The following CEP83 variants were observed in gnomAD, a reference collection of about 807,000 sequenced individuals.
CEP83 encodes centrosomal protein 83.
Under a neutral mutation model 101.9 loss-of-function variants are expected in CEP83, and 70 were observed. The ratio of observed to expected loss-of-function variants is 0.69; its 90% CI spans 0.57 to 0.84. The LOEUF (loss-of-function observed/expected upper bound fraction) is 0.84. CEP83 is among the 40% of genes least tolerant of loss of function. CEP83 has a pLI of 0.00. For missense variants in CEP83, 715 were observed against 787.2 expected, an observed-to-expected ratio of 0.91 and a Z score of 1.10; for synonymous variants, 264 against 267.9, an observed-to-expected ratio of 0.99 and a Z score of 0.14.
At chr12:94,337,966 A>G (rs2059521948) in intron 11 of CEP83, among the ~76,000 whole-genome samples, 1 of 152,156 alleles carries the variant, frequency 6.6e-6, no homozygotes, top group Admixed American at 6.5e-5. Context: ...ACAGTTTCCA[A>G]GCTGAAAAGG....
intron 4 of CEP83, 39 bp downstream of exon 4, chr12:94,411,658 G>T: frequency 6.6e-7 from 1 of 1,518,052 alleles, no homozygotes. Context: ...GTATCTGACT[G>T]CTTTTATACT....
intron 16 of CEP83, among the ~76,000 whole-genome samples, chr12:94,309,613 T>C (rs1046319467): frequency 6.6e-6 from 1 of 152,204 alleles, no homozygotes; most frequent in African/African-American, 2.4e-5. Context: ...ACTATTAACA[T>C]TATGAATAAG....
the CEP83 span, chr12:94,280,051 T>C: frequency 2.9e-6 from 1 of 348,028 alleles, no homozygotes; most frequent in East Asian, 7.7e-5. Context: ...GAGCGTGTCA[T>C]TACTGGGTGG....
chr12:94,384,219 A>G (rs2062006818), intron 6 of CEP83, among the ~76,000 whole-genome samples: 1 of 152,170 alleles, frequency 6.6e-6, no homozygotes, highest in Non-Finnish European at 1.5e-5. Context: ...CTGGATATAG[A>G]ATTATGAGTT....
chr12:94,447,016 T>C (rs918890192), intron 1 of CEP83, among the ~76,000 whole-genome samples: 1 of 152,046 alleles, frequency 6.6e-6, no homozygotes, highest in Admixed American at 6.5e-5. Flanking sequence ...AGAAATGACA[T>C]GGAAAAAACA....
the CEP83 span, among the ~76,000 whole-genome samples, chr12:94,287,359 C>T: frequency 6.6e-6 from 1 of 152,200 alleles, no homozygotes; most frequent in African/African-American, 2.4e-5. Flanking sequence ...GGCATGTGCA[C>T]CTGCATGTTC....
intron 6 of CEP83, among the ~76,000 whole-genome samples, chr12:94,391,367 C>T (rs2062521818): frequency 6.6e-6 from 1 of 152,132 alleles, no homozygotes; most frequent in Non-Finnish European, 1.5e-5. Flanking sequence ...ATTTCATATC[C>T]AGCCAAACTA....
intron 4 of CEP83, among the ~76,000 whole-genome samples, chr12:94,403,615 T>C (rs2063375396): frequency 6.6e-6 from 1 of 152,188 alleles, no homozygotes. Flanking sequence ...GTGTAACAAT[T>C]TGTTATACCA....
chr12:94,350,050 T>C (rs1293680769), intron 11 of CEP83, among the ~76,000 whole-genome samples: 2 of 152,192 alleles, frequency 1.3e-5, no homozygotes, highest in South Asian at 2.1e-4. Flanking sequence ...AGATTCAATA[T>C]TGTTGAGATG....
chr12:94,376,185 C>T (rs372458518), intron 7 of CEP83, among the ~76,000 whole-genome samples, 168 bp from the exon 8 acceptor site: 11 of 152,056 alleles, frequency 7.2e-5, no homozygotes, highest in South Asian at 6.2e-4. Context: ...AGAATTCAAA[C>T]GAAAGATAGT....
At chr12:94,311,242 C>G (rs999136805) in intron 15 of CEP83, among the ~76,000 whole-genome samples, 9 of 152,306 alleles carry the variant, frequency 5.9e-5, no homozygotes, top group South Asian at 2.1e-4. Context: ...CTCCACACCC[C>G]CTTCCTCATA....
chr12:94,268,136 C>T, the CEP83 span, among the ~76,000 whole-genome samples: 32 of 152,194 alleles, frequency 2.1e-4, no homozygotes, highest in Non-Finnish European at 3.2e-4. Context: ...CACTCGTGTT[C>T]AGCTAAATGC....
chr12:94,299,341 G>C, the CEP83 span, among the ~76,000 whole-genome samples: 41 of 152,184 alleles, frequency 2.7e-4, no homozygotes, highest in African/African-American at 9.4e-4. Flanking sequence ...TGTAGCTCAT[G>C]AGCTCTCTTT....
the CEP83 span, chr12:94,300,830 C>G: frequency 7.4e-7 from 1 of 1,345,544 alleles, no homozygotes. Flanking sequence ...ACAAAAACAC[C>G]CGTTTACAAA....
At chr12:94,459,333 A>G (rs2138715829) in intron 1 of CEP83, among the ~76,000 whole-genome samples, 1 of 152,318 alleles carries the variant, frequency 6.6e-6, no homozygotes, top group East Asian at 1.9e-4. Flanking sequence ...AGGTACTTAA[A>G]CGTCTGGCCA....
At chr12:94,365,064 A>T (rs1156806081) in intron 11 of CEP83, among the ~76,000 whole-genome samples, 5 of 152,310 alleles carry the variant, frequency 3.3e-5, no homozygotes, top group Admixed American at 3.3e-4. Context: ...AAATCAAAGG[A>T]CTGCTGACAC....
At chr12:94,436,266 G>A (rs1404224265) in intron 1 of CEP83, among the ~76,000 whole-genome samples, 1 of 151,836 alleles carries the variant, frequency 6.6e-6, no homozygotes, top group African/African-American at 2.4e-5. Flanking sequence ...AATTTGGAAG[G>A]TTGATTATTA....
At chr12:94,370,172 G>A in intron 8 of CEP83, 136 bp from the exon 9 acceptor site, 2 of 596,422 alleles carry the variant, frequency 3.4e-6, no homozygotes, top group East Asian at 5.5e-5. Flanking sequence ...AGAAAGAAGT[G>A]TCAGTGCCTG....
intron 2 of CEP83, among the ~76,000 whole-genome samples, chr12:94,426,478 C>T (rs1358597179): frequency 1.3e-5 from 2 of 152,320 alleles, no homozygotes; most frequent in South Asian, 2.1e-4. Context: ...TAAAAAACCA[C>T]AGGCACATAT....
Sources: gnomAD v4.1 joint callset for allele counts (sites outside exome capture counted in the v4.1 genomes callset) on GRCh38, gnomAD v4.1.1 for gene constraint, MANE v1.5 for transcripts, NCBI Gene and HGNC (gene_info 2026-07-23, HGNC 2026-07-21) for gene names.